ZMYND8: variants seen among roughly 807,000 people sequenced by gnomAD.
The protein encoded by ZMYND8 is MYND-type zinc finger-containing chromatin reader ZMYND8.
In ZMYND8, 37 loss-of-function variants were observed where a neutral mutation model predicts 140.8. The ratio of observed to expected loss-of-function variants is 0.26; its 90% confidence interval spans 0.20 to 0.35. ZMYND8 has a LOEUF of 0.35. Among genes scored for constraint, ZMYND8 ranks in the 10% least tolerant of loss-of-function variants. The pLI is 1.00. For synonymous variants in ZMYND8, 592 were observed against 597.1 expected, an observed-to-expected ratio of 0.99 and a Z score of 0.12; for missense variants, 1,068 against 1,570.0, an observed-to-expected ratio of 0.68 and a Z score of 5.40.
intron 2 of ZMYND8, among the ~76,000 whole-genome samples, chr20:47,325,057 A>AC (rs879714803): frequency 2.3e-4 from 35 of 152,164 alleles, no homozygotes; most frequent in South Asian, 6.2e-4. Context: ...GGCGTGCGCC[A>AC]CCACGCCCAG....
intron 16 of ZMYND8, among the ~76,000 whole-genome samples, chr20:47,230,394 G>A (rs935529290): frequency 3.3e-5 from 5 of 151,796 alleles, no homozygotes; most frequent in South Asian, 2.1e-4. Context: ...AGGTTCAGGC[G>A]ATTCTCCTGC....
At chr20:47,219,866 T>A (rs1374068744) in intron 21 of ZMYND8, among the ~76,000 whole-genome samples, 3 of 152,084 alleles carry the variant, frequency 2.0e-5, no homozygotes, top group Non-Finnish European at 4.4e-5. Context: ...TCATCCACCA[T>A]ATGCAGGTGT....
In ZMYND8 at chr20:47,291,891, A is replaced by G. The variant is rs759782813; in HGVS notation, c.568-3T>C. 2 of 1,610,446 alleles carry G rather than the reference A, an allele frequency of 1.2e-6. No individual in the cohort carries two copies. Among genetic ancestry groups the G allele is most frequent in the Non-Finnish European group, 8.5e-7 (1 of 1,178,258 alleles). ...ACGGGCTTCTGGAATGCATCTGTCT[A>G]TAAAAGAGAAGATATGCAGAGGAAC... On this transcript the variant is annotated splice_polypyrimidine_tract_variant and splice_region_variant and intron_variant, in intron 5 of 22. Transcript: ENST00000471951.
At chr20:47,349,983 A>G (rs1056680039) in intron 1 of ZMYND8, 60 of 1,519,894 alleles carry the variant, frequency 3.9e-5, no homozygotes, top group East Asian at 1.5e-4. Context: ...TCAGGCAGGA[A>G]TGCTGCTGAG....
intron 5 of ZMYND8, among the ~76,000 whole-genome samples, chr20:47,293,943 A>AC (rs199520359): frequency 0.013 from 1,988 of 151,192 alleles, 14 homozygotes; most frequent in African/African-American, 0.027. Flanking sequence ...GGCACTTCCC[A>AC]CCCCCCTTCT....
chr20:47,304,734 G>A (rs2078346602), intron 3 of ZMYND8, among the ~76,000 whole-genome samples: 1 of 152,226 alleles, frequency 6.6e-6, no homozygotes, highest in Non-Finnish European at 1.5e-5. Context: ...CCTGGAGTGT[G>A]AGGATGCACT....
intron 11 of ZMYND8, among the ~76,000 whole-genome samples, chr20:47,273,642 C>T (rs2076091166): frequency 1.3e-5 from 2 of 152,186 alleles, no homozygotes. Flanking sequence ...ATCTAGCTAG[C>T]TGTTTATTGA....
intron 3 of ZMYND8, among the ~76,000 whole-genome samples, chr20:47,303,145 C>T (rs60508251): frequency 0.23 from 34,154 of 151,718 alleles, 5,870 homozygotes; most frequent in African/African-American, 0.48. Flanking sequence ...ATGGTTGCTT[C>T]GAATTTATTG....
chr20:47,258,436 TG>T (rs1371400909), intron 12 of ZMYND8, among the ~76,000 whole-genome samples: 17 of 152,236 alleles, frequency 1.1e-4, no homozygotes, highest in African/African-American at 3.1e-4. Context: ...AATTCACTTT[TG>T]GGAGAATACA....
At chr20:47,319,073 A>T in intron 2 of ZMYND8, 9 of 1,329,734 alleles carry the variant, frequency 6.8e-6, no homozygotes, top group Non-Finnish European at 8.9e-6. Flanking sequence ...CAGGGGGAGG[A>T]GGAAGAAGCA....
intron 11 of ZMYND8, among the ~76,000 whole-genome samples, chr20:47,273,437 TCA>T (rs1331494905): frequency 2.0e-5 from 3 of 152,072 alleles, no homozygotes; most frequent in Admixed American, 2.0e-4. Flanking sequence ...TTCCAGCTAC[TCA>T]GGAGGCTGAG....
At chr20:47,283,479 A>T in intron 9 of ZMYND8, 92 bp downstream of exon 9, 1 of 1,318,304 alleles carries the variant, frequency 7.6e-7, no homozygotes, top group East Asian at 2.4e-5. Flanking sequence ...CCAAAGTTTC[A>T]TCTAATAAGC....
chr20:47,315,137 A>G (rs2079276620), intron 2 of ZMYND8, among the ~76,000 whole-genome samples: 1 of 152,204 alleles, frequency 6.6e-6, no homozygotes. Flanking sequence ...AGACAGTAAT[A>G]TACTTGTAAG....
At chr20:47,313,331 T>C (rs2079089313) in intron 2 of ZMYND8, among the ~76,000 whole-genome samples, 1 of 151,544 alleles carries the variant, frequency 6.6e-6, no homozygotes, top group Non-Finnish European at 1.5e-5. Context: ...AATATAAAAA[T>C]TAGGCTGGAG....
chr20:47,304,841 G>A (rs2078355555), intron 3 of ZMYND8, among the ~76,000 whole-genome samples: 1 of 152,288 alleles, frequency 6.6e-6, no homozygotes, highest in African/African-American at 2.4e-5. Context: ...GATCCAAGGA[G>A]TTGGGCAGAC....
chr20:47,245,942 T>C (rs2040515313), intron 14 of ZMYND8, 66 bp downstream of exon 14: 1 of 1,521,042 alleles, frequency 6.6e-7, no homozygotes, highest in Non-Finnish European at 8.8e-7. Context: ...TAACTTTTGA[T>C]AGTAAGTGTA....
chr20:47,250,153 G>A (rs536157343), intron 12 of ZMYND8, among the ~76,000 whole-genome samples: 1 of 152,134 alleles, frequency 6.6e-6, no homozygotes, highest in African/African-American at 2.4e-5. Context: ...AGAGGCCTCT[G>A]GGGGGTGACT....
At chr20:47,277,629 TTTTG>T (rs572240140) in intron 10 of ZMYND8, among the ~76,000 whole-genome samples, 89 of 151,798 alleles carry the variant, frequency 5.9e-4, no homozygotes, top group African/African-American at 1.9e-3. Context: ...GTGGGGGATT[TTTTG>T]TTTGTTTAAT....
rs761560707 is a variant in ZMYND8, at chr20:47,221,469, C to T, written c.3262G>A (p.Ala1088Thr). 1 of 1,613,788 alleles carries T rather than the reference C, an allele frequency of 6.2e-7. No homozygotes were observed. Among genetic ancestry groups the T allele is most frequent in the Non-Finnish European group, 8.5e-7 (1 of 1,179,916 alleles). The part of the protein sequence containing the change: ...HMKSCTQSAT[A>T]PQQEADAEVN... The stretch of plus-strand genomic sequence containing the variant: ...TCAGCATCCGCTTCCTGCTGAGGAG[C>T]AGTAGCTGGGGACAAAGGAGAGAGA... Residue 1088 changes from alanine to threonine, a missense_variant, in exon 20 of 23, where the codon GCT becomes ACT. Ala to Thr is a moderately conservative substitution (Grantham distance 58). Around this residue, in one of 10 missense-constraint regions of ZMYND8, gnomAD observed 180 missense variants for 187.8 expected, o/e 0.96. Coordinates refer to ENST00000471951, the MANE Select transcript of ZMYND8 (RefSeq NM_001281775.3).
Sources: allele counts gnomAD v4.1 joint callset (sites outside exome capture counted in the v4.1 genomes callset), GRCh38; gene constraint gnomAD v4.1.1; regional missense constraint gnomAD v4.1.1; transcripts MANE v1.5; gene names NCBI Gene and HGNC (gene_info 2026-07-23, HGNC 2026-07-21).